The following ERC2 variants were observed in gnomAD, a reference collection of about 807,000 sequenced individuals.
ERC2 encodes the protein ELKS/RAB6-interacting/CAST family member 2.
In ERC2, 42 loss-of-function variants were observed where a neutral mutation model predicts 114.8. The observed-to-expected ratio is 0.37, with a 90% CI of 0.29 to 0.47. The LOEUF (loss-of-function observed/expected upper bound fraction) is 0.47. Among genes scored for constraint, ERC2 ranks in the 20% least tolerant of loss-of-function variants. The probability of loss-of-function intolerance (pLI) is 0.99; values close to 1 mark genes in which losing one functional copy is unlikely to be tolerated. For missense variants in ERC2, 939 were observed against 1,150.7 expected, an observed-to-expected ratio of 0.82 and a Z score of 2.66; for synonymous variants, 454 against 425.5, an observed-to-expected ratio of 1.07 and a Z score of -0.82.
intron 2 of ERC2, among the ~76,000 whole-genome samples, chr3:56,425,465 G>A (rs931191160): frequency 6.6e-6 from 1 of 151,602 alleles, no homozygotes; most frequent in South Asian, 2.1e-4. Context: ...TCCTGCTACA[G>A]TTTAAGGCCC....
chr3:55,587,131 C>T (rs2057645474), intron 17 of ERC2, among the ~76,000 whole-genome samples: 1 of 151,802 alleles, frequency 6.6e-6, no homozygotes, highest in South Asian at 2.1e-4. Context: ...CTTGCCCCTT[C>T]CCCTTCCTCT....
intron 17 of ERC2, among the ~76,000 whole-genome samples, chr3:55,592,571 C>G (rs547334334): frequency 1.3e-5 from 2 of 152,120 alleles, no homozygotes; most frequent in Admixed American, 1.3e-4. Flanking sequence ...TTATCTGGAA[C>G]CTGTTTTTCA....
At chr3:55,839,207 T>C (rs1050728604) in intron 14 of ERC2, among the ~76,000 whole-genome samples, 3 of 151,520 alleles carry the variant, frequency 2.0e-5, no homozygotes. Context: ...GAAAAAAGAA[T>C]CAGCCAAACT....
intron 12 of ERC2, among the ~76,000 whole-genome samples, chr3:55,967,482 A>G (rs570947414): frequency 1.3e-5 from 2 of 152,296 alleles, no homozygotes; most frequent in South Asian, 4.1e-4. Flanking sequence ...TCTGGTATAA[A>G]TCCTAAATTA....
chr3:55,612,124 T>A (rs186131266), intron 17 of ERC2, among the ~76,000 whole-genome samples: 146 of 152,340 alleles, frequency 9.6e-4, no homozygotes, highest in African/African-American at 3.3e-3. Context: ...AAAAGAGAAG[T>A]GCAGCACACT....
chr3:56,192,620 A>C (rs2047859590), intron 3 of ERC2, among the ~76,000 whole-genome samples: 1 of 152,126 alleles, frequency 6.6e-6, no homozygotes, highest in South Asian at 2.1e-4. Flanking sequence ...CTCCCTAAAC[A>C]CAGAGACCAT....
intron 17 of ERC2, among the ~76,000 whole-genome samples, chr3:55,622,744 G>C (rs1307470058): frequency 6.6e-6 from 1 of 151,762 alleles, no homozygotes; most frequent in Non-Finnish European, 1.5e-5. Flanking sequence ...GGTCCAGAAA[G>C]GATTAAAGCA....
chr3:56,085,601 T>C (rs1165864577), intron 6 of ERC2, among the ~76,000 whole-genome samples: 1 of 152,190 alleles, frequency 6.6e-6, no homozygotes, highest in East Asian at 1.9e-4. Context: ...GATTCTCATG[T>C]GGCCCATTTT....
At chr3:55,907,401 G>C (rs538058482) in intron 13 of ERC2, among the ~76,000 whole-genome samples, 235 of 152,276 alleles carry the variant, frequency 1.5e-3, no homozygotes, top group African/African-American at 5.6e-3. Context: ...CTCTTGTGAG[G>C]ATTATGTGAG....
At chr3:56,285,009 TCTCA>T (rs1438056581) in intron 3 of ERC2, among the ~76,000 whole-genome samples, 76 of 128,588 alleles carry the variant, frequency 5.9e-4, no homozygotes, top group African/African-American at 2.0e-3. Flanking sequence ...TCTCTCTCTC[TCTCA>T]CACACACACA....
At chr3:55,583,337 GCC>G (rs2057353301) in intron 17 of ERC2, among the ~76,000 whole-genome samples, 1 of 150,432 alleles carries the variant, frequency 6.6e-6, no homozygotes, top group South Asian at 2.1e-4. Context: ...AAGCTTGCCT[GCC>G]TGTCTGCCTG....
At chr3:56,334,718 G>A (rs1016734118) in intron 2 of ERC2, among the ~76,000 whole-genome samples, 11 of 152,144 alleles carry the variant, frequency 7.2e-5, no homozygotes, top group African/African-American at 2.4e-4. Flanking sequence ...TGATACTGAT[G>A]GTGAAGTTGA....
At chr3:55,750,488 T>C (rs2066623095) in intron 14 of ERC2, among the ~76,000 whole-genome samples, 1 of 152,144 alleles carries the variant, frequency 6.6e-6, no homozygotes, top group African/African-American at 2.4e-5. Context: ...GCCCTTTCAA[T>C]TCTTGGTTGC....
intron 3 of ERC2, among the ~76,000 whole-genome samples, chr3:56,215,503 G>A (rs916278455): frequency 2.0e-5 from 3 of 152,158 alleles, no homozygotes; most frequent in African/African-American, 7.2e-5. Flanking sequence ...TAAGTCCTTA[G>A]AGACCTACAA....
At chr3:56,191,206 C>T (rs551573882) in intron 3 of ERC2, among the ~76,000 whole-genome samples, 2 of 152,158 alleles carry the variant, frequency 1.3e-5, no homozygotes, top group East Asian at 3.9e-4. Context: ...GGTAGGCAGG[C>T]AGTGGGAGGG....
chr3:56,015,986 T>C (rs1467538650), intron 8 of ERC2, among the ~76,000 whole-genome samples: 2 of 152,228 alleles, frequency 1.3e-5, no homozygotes, highest in African/African-American at 4.8e-5. Flanking sequence ...TCATGTGTGT[T>C]GGCTGCATAA....
At chr3:55,635,996 C>T (rs922536445) in intron 17 of ERC2, among the ~76,000 whole-genome samples, 1 of 152,002 alleles carries the variant, frequency 6.6e-6, no homozygotes, top group African/African-American at 2.4e-5. Flanking sequence ...CTGCCTCAGC[C>T]TCCCAAGTAG....
chr3:55,544,879 A>C (rs970617030), intron 17 of ERC2, among the ~76,000 whole-genome samples: 3 of 152,218 alleles, frequency 2.0e-5, no homozygotes, highest in Admixed American at 2.0e-4. Context: ...CATCTCACAA[A>C]GTGTAAATTC....
intron 15 of ERC2, among the ~76,000 whole-genome samples, chr3:55,732,384 C>T (rs1335949910): frequency 6.6e-6 from 1 of 152,192 alleles, no homozygotes; most frequent in African/African-American, 2.4e-5. Context: ...AGCCCATCCT[C>T]TTCCTTCACT....
Sources: allele counts gnomAD v4.1 joint callset (sites outside exome capture counted in the v4.1 genomes callset), GRCh38; gene constraint gnomAD v4.1.1; transcripts MANE v1.5; gene names NCBI Gene and HGNC (gene_info 2026-07-23, HGNC 2026-07-21).